Variants in LDLRAP1 observed in about 807,000 individuals in gnomAD.
The protein encoded by LDLRAP1 is low density lipoprotein receptor adapter protein 1.
LDLRAP1 carries 30 observed loss-of-function variants against 37.8 expected under a neutral mutation model. That is an observed-to-expected ratio of 0.79 (90% confidence interval 0.59 to 1.08). The LOEUF is 1.08. LDLRAP1 is among the 50% of genes least tolerant of loss of function. The pLI, the probability that LDLRAP1 is intolerant of heterozygous loss-of-function variation, is 0.00. For missense variants in LDLRAP1, 375 were observed against 401.6 expected (o/e 0.93, Z 0.57); for synonymous variants, 156 against 169.8 (o/e 0.92, Z 0.63).
Position 25,544,583 on chromosome 1 carries a change from G to A in LDLRAP1, c.88+797G>A, listed in dbSNP as rs1007830794. ...CTCCCTGGGGCGTCTGGGAGGCTGG[G>A]AGGGGCCTCCCCCCCTTTCTCTCCC... On this transcript the variant is annotated intron_variant, in intron 1 of 8. Coordinates refer to ENST00000374338, the MANE Select transcript of LDLRAP1 (RefSeq NM_015627.3). The surrounding 1 kb of genome is among the most constrained non-coding windows in gnomAD (Gnocchi z 4.8). Among the ~76,000 whole-genome samples the A allele has an allele frequency of 6.6e-6, 1 of 152,192 alleles. No individual in the cohort carries two copies. Among genetic ancestry groups the A allele is most frequent in the African/African-American group, 2.4e-5 (1 of 41,452 alleles).
chr1:25,556,441 TCA>T (rs1184332464), intron 3 of LDLRAP1, among the ~76,000 whole-genome samples: 1 of 152,098 alleles, frequency 6.6e-6, no homozygotes, highest in African/African-American at 2.4e-5. Context: ...TGGGTCCTCG[TCA>T]CACACGCACC....
chr1:25,570,423 C>T (rs2044588662), downstream of LDLRAP1, among the ~76,000 whole-genome samples: 1 of 152,162 alleles, frequency 6.6e-6, no homozygotes, highest in Non-Finnish European at 1.5e-5. Flanking sequence ...AGGAAGAGAT[C>T]CCATCCCATG....
downstream of LDLRAP1, among the ~76,000 whole-genome samples, chr1:25,569,458 G>A (rs2044572187): frequency 6.6e-6 from 1 of 152,048 alleles, no homozygotes; most frequent in Non-Finnish European, 1.5e-5. Flanking sequence ...CCCTAGCTCT[G>A]CCACTTGGAG....
chr1:25,557,060 T>G, intron 3 of LDLRAP1, 93 bp from the exon 4 acceptor site: 1 of 903,822 alleles, frequency 1.1e-6, no homozygotes, highest in Non-Finnish European at 1.8e-6. Context: ...AATAGCAGGT[T>G]CTCTGCAACT....
At position 25,555,997 on chromosome 1, in the gene LDLRAP1, TGAAGA is replaced by T. The variant is rs1291617596; in HGVS notation, c.344+1026_344+1030del. Among the ~76,000 whole-genome samples, 1 of 151,998 alleles carries T rather than the reference TGAAGA, an allele frequency of 6.6e-6. No individual in the cohort carries two copies. On this transcript the variant is annotated intron_variant, in intron 3 of 8. Coordinates refer to ENST00000374338, the MANE Select transcript of LDLRAP1 (RefSeq NM_015627.3). The surrounding 1 kb of genome is among the most constrained non-coding windows in gnomAD (Gnocchi z 4.7). ...GGGGAGGCGGCACCTTGCTGGGGCTTGAAGAATAATAGGATCTAGTTTGTTGTTAC... is the reference window on the plus strand; with the variant it reads ...GGGGAGGCGGCACCTTGCTGGGGCTTATAATAGGATCTAGTTTGTTGTTAC...
downstream of LDLRAP1, among the ~76,000 whole-genome samples, chr1:25,572,550 G>A: frequency 6.6e-6 from 1 of 152,184 alleles, no homozygotes; most frequent in East Asian, 1.9e-4. Flanking sequence ...GAGAGCCCCT[G>A]ATGGTTCCCC....
intron 1 of LDLRAP1, among the ~76,000 whole-genome samples, chr1:25,548,710 A>G (rs747390097): frequency 2.7e-5 from 4 of 149,208 alleles, no homozygotes; most frequent in Non-Finnish European, 6.0e-5. Context: ...GTCTCACTCT[A>G]TTGCCCAGGC....
chr1:25,561,689 T>C (rs1002657054), intron 4 of LDLRAP1, among the ~76,000 whole-genome samples: 1 of 152,040 alleles, frequency 6.6e-6, no homozygotes, highest in African/African-American at 2.4e-5. Flanking sequence ...GAGGAAGGTG[T>C]TGAGATGAAT....
chr1:25,571,527 C>G (rs2044604539), downstream of LDLRAP1, among the ~76,000 whole-genome samples: 1 of 152,372 alleles, frequency 6.6e-6, no homozygotes, highest in Middle Eastern at 3.4e-3. Flanking sequence ...GTTTAAGCTG[C>G]TGCACGGCCC....
At position 25,555,090 on chromosome 1, in the gene LDLRAP1, C is replaced by T; in HGVS notation, c.344+118C>T. 1.3e-6 allele frequency: 1 copy of T among 782,684 alleles called. No homozygotes were observed. Among genetic ancestry groups the T allele is most frequent in the Admixed American group, 2.0e-5 (1 of 50,322 alleles). 48.5% of individuals were successfully genotyped at this position (782,684 alleles called of 1,614,324 possible). On this transcript the variant is annotated intron_variant, in intron 3 of 8. Coordinates refer to ENST00000374338, the MANE Select transcript of LDLRAP1 (RefSeq NM_015627.3). The surrounding 1 kb of genome is among the most constrained non-coding windows in gnomAD (Gnocchi z 4.7). ...TGGGTGACATTGGAGCCTCAGTTTCCTCATCTGTAAAATGGGGGTGGGAAC... is the reference window on the plus strand; with the variant it reads ...TGGGTGACATTGGAGCCTCAGTTTCTTCATCTGTAAAATGGGGGTGGGAAC...
intron 1 of LDLRAP1, among the ~76,000 whole-genome samples, chr1:25,546,654 G>A (rs145554915): frequency 1.1e-3 from 165 of 152,304 alleles, no homozygotes; most frequent in African/African-American, 3.9e-3. Flanking sequence ...TTTGTGGGTT[G>A]TGCTTACCCA....
At chr1:25,570,153 A>C (rs944398514), downstream of LDLRAP1, among the ~76,000 whole-genome samples, 1 of 152,142 alleles carries the variant, frequency 6.6e-6, no homozygotes, top group African/African-American at 2.4e-5. Context: ...ACTCCCTGTG[A>C]ATTCTCAGTG....
Position 25,543,665 on chromosome 1 carries a change from G to A in LDLRAP1, c.-34G>A. The A allele has an allele frequency of 8.3e-7, 1 of 1,205,878 alleles. No homozygotes were observed. The highest frequency in any genetic ancestry group is 4.1e-5 in the South Asian group (1 of 24,304). 74.7% of individuals were successfully genotyped at this position (1,205,878 alleles called of 1,614,324 possible). A position where few individuals can be genotyped will look rare whatever the true frequency, so the allele number is the denominator to read the frequency against. On this transcript the variant is annotated 5_prime_UTR_variant, in exon 1 of 9. Transcript: ENST00000374338. ...GAAAGTTTTTCCTGACGGAGTTTTG[G>A]CTGCGGCAGCGGCGGCGGCGGCCGG...
At chr1:25,556,783 C>T (rs995301607) in intron 3 of LDLRAP1, among the ~76,000 whole-genome samples, 2 of 152,198 alleles carry the variant, frequency 1.3e-5, no homozygotes, top group African/African-American at 4.8e-5. Context: ...GTGATAGAAC[C>T]CGTCTCAGAG....
intron 1 of LDLRAP1, among the ~76,000 whole-genome samples, chr1:25,547,552 G>A (rs1228893493): frequency 6.6e-6 from 1 of 152,116 alleles, no homozygotes; most frequent in African/African-American, 2.4e-5. Context: ...AGGGACTCCT[G>A]GAGCTTAACC....
rs1372364228 is a variant in LDLRAP1, at chr1:25,568,452, C to T, written c.*1460C>T. 6.6e-6 allele frequency: 1 copy of T among 152,278 alleles called. No homozygotes were observed. The highest frequency in any genetic ancestry group is 1.5e-5 in the Non-Finnish European group (1 of 68,064). 9.4% of individuals were successfully genotyped at this position (152,278 alleles called of 1,614,324 possible). ...GCATCTTTTCCATCCTGAGGTGCCT[C>T]CCAGTGGCCTGGCTTGTCGGAGCAA... On this transcript the variant is annotated 3_prime_UTR_variant, in exon 9 of 9. Coordinates refer to ENST00000374338, the MANE Select transcript of LDLRAP1 (RefSeq NM_015627.3).
At chr1:25,545,442 C>T (rs1236142405) in intron 1 of LDLRAP1, among the ~76,000 whole-genome samples, 1 of 152,186 alleles carries the variant, frequency 6.6e-6, no homozygotes, top group Non-Finnish European at 1.5e-5. Context: ...GGGATAAAAA[C>T]TCTTACCTGG....
downstream of LDLRAP1, among the ~76,000 whole-genome samples, chr1:25,569,431 A>G (rs2044570941): frequency 6.6e-6 from 1 of 152,060 alleles, no homozygotes; most frequent in Non-Finnish European, 1.5e-5. Context: ...CAGTGTCTTG[A>G]GAGACTCAGG....
At chr1:25,580,110 G>T in the LDLRAP1 span, among the ~76,000 whole-genome samples, 1 of 152,166 alleles carries the variant, frequency 6.6e-6, no homozygotes, top group East Asian at 1.9e-4. Context: ...ACACAGGCAG[G>T]GTGTCCCTAC....
Sources: gnomAD v4.1 joint callset for allele counts (sites outside exome capture counted in the v4.1 genomes callset) on GRCh38, gnomAD v4.1.1 for gene constraint, Gnocchi (gnomAD v3.1) non-coding constraint, MANE v1.5 for transcripts, NCBI Gene and HGNC (gene_info 2026-07-23, HGNC 2026-07-21) for gene names.